PRIM2: variants seen among roughly 807,000 people sequenced by gnomAD.
PRIM2 encodes DNA primase large subunit.
PRIM2 carries 39 observed loss-of-function variants against 67.3 expected under a neutral mutation model. The ratio of observed to expected loss-of-function variants is 0.58; its 90% confidence interval spans 0.45 to 0.76. The LOEUF (loss-of-function observed/expected upper bound fraction) is 0.76, where lower values mean the gene tolerates loss of function less well. Ranked by LOEUF, PRIM2 falls within the 30% of genes least tolerant of loss-of-function variation. The pLI, the probability that PRIM2 is intolerant of heterozygous loss-of-function variation, is 0.00. For synonymous variants in PRIM2, 143 were observed against 198.7 expected, an observed-to-expected ratio of 0.72 and a Z score of 2.36; for missense variants, 398 against 598.7, an observed-to-expected ratio of 0.66 and a Z score of 3.50.
upstream of PRIM2, among the ~76,000 whole-genome samples, chr6:57,312,770 A>T (rs1167832566): frequency 6.6e-6 from 1 of 152,162 alleles, no homozygotes; most frequent in Non-Finnish European, 1.5e-5. Flanking sequence ...AATTCTTTGG[A>T]CCATCAAGAC....
intron 7 of PRIM2, among the ~76,000 whole-genome samples, chr6:57,453,394 A>G (rs918142486): frequency 4.6e-5 from 7 of 152,204 alleles, no homozygotes; most frequent in East Asian, 3.9e-4. Flanking sequence ...CCATTTTCAC[A>G]ATATTGATTC....
At chr6:57,642,059 G>C (rs1366341086) in intron 13 of PRIM2, among the ~76,000 whole-genome samples, 1 of 152,186 alleles carries the variant, frequency 6.6e-6, no homozygotes, top group Non-Finnish European at 1.5e-5. Context: ...CCATTAAAAA[G>C]GATGAGTTCA....
intron 7 of PRIM2, among the ~76,000 whole-genome samples, chr6:57,433,277 T>C (rs569304939): frequency 1.2e-4 from 18 of 152,242 alleles, no homozygotes; most frequent in African/African-American, 4.3e-4. Context: ...TTAGGGTACA[T>C]GTGCACAATG....
chr6:57,500,029 T>G (rs1774097106), intron 7 of PRIM2, among the ~76,000 whole-genome samples: 2 of 152,334 alleles, frequency 1.3e-5, no homozygotes, highest in South Asian at 4.1e-4. Flanking sequence ...ACAATTTTCC[T>G]TCATTTCCCA....
chr6:57,359,603 A>G (rs1169876661), intron 5 of PRIM2, among the ~76,000 whole-genome samples: 1 of 152,242 alleles, frequency 6.6e-6, no homozygotes, highest in African/African-American at 2.4e-5. Flanking sequence ...ATAGATAATT[A>G]GAACTGGTAG....
At chr6:57,402,060 C>T (rs77186818) in intron 7 of PRIM2, among the ~76,000 whole-genome samples, 7 of 151,906 alleles carry the variant, frequency 4.6e-5, no homozygotes, top group East Asian at 3.9e-4. Flanking sequence ...CCAGGCCTGG[C>T]GGACCTGCCC....
At chr6:57,395,095 T>C (rs1420250763) in intron 7 of PRIM2, among the ~76,000 whole-genome samples, 1 of 152,214 alleles carries the variant, frequency 6.6e-6, no homozygotes, top group Non-Finnish European at 1.5e-5. Context: ...AGCAGCTATG[T>C]TCATCAAGGA....
intron 10 of PRIM2, among the ~76,000 whole-genome samples, chr6:57,569,255 T>C (rs1775814599): frequency 6.6e-6 from 1 of 152,176 alleles, no homozygotes; most frequent in Non-Finnish European, 1.5e-5. Context: ...TGAGCACATA[T>C]AGGCACTCTG....
At chr6:57,365,040 T>C (rs1297575828) in intron 5 of PRIM2, among the ~76,000 whole-genome samples, 5 of 152,228 alleles carry the variant, frequency 3.3e-5, no homozygotes, top group South Asian at 4.2e-4. Context: ...CCCCTTAACA[T>C]ATTCTGAGCC....
chr6:57,625,522 T>A (rs1776933828), intron 12 of PRIM2, among the ~76,000 whole-genome samples: 2 of 152,264 alleles, frequency 1.3e-5, no homozygotes, highest in South Asian at 4.2e-4. Flanking sequence ...GGTAGGAGCC[T>A]TTGAATCATG....
intron 7 of PRIM2, among the ~76,000 whole-genome samples, chr6:57,456,942 A>T (rs1772810667): frequency 6.6e-6 from 1 of 151,914 alleles, no homozygotes; most frequent in Admixed American, 6.6e-5. Flanking sequence ...GCCTTTGATG[A>T]TGGTGACGTA....
intron 7 of PRIM2, chr6:57,497,707 T>C (rs1486752915): frequency 6.6e-6 from 1 of 152,208 alleles, no homozygotes; most frequent in Non-Finnish European, 1.5e-5. Context: ...AGTCAGCTGA[T>C]AGAGAAATTT....
At chr6:57,585,763 T>C (rs1776176586) in intron 10 of PRIM2, among the ~76,000 whole-genome samples, 1 of 152,182 alleles carries the variant, frequency 6.6e-6, no homozygotes, top group South Asian at 2.1e-4. Flanking sequence ...GAGAAGAGGA[T>C]TCCGAGGAGC....
At chr6:57,283,543 G>GA in the PRIM2 span, among the ~76,000 whole-genome samples, 1 of 152,136 alleles carries the variant, frequency 6.6e-6, no homozygotes, top group African/African-American at 2.4e-5. Flanking sequence ...TTAAGTTAGA[G>GA]TTTTTGGTTT....
At chr6:57,515,174 A>G (rs1774456814) in intron 8 of PRIM2, among the ~76,000 whole-genome samples, 3 of 151,902 alleles carry the variant, frequency 2.0e-5, no homozygotes, top group Non-Finnish European at 4.4e-5. Context: ...CATGACTCCA[A>G]TTTTAAGTAT....
At chr6:57,228,695 G>A in the PRIM2 span, among the ~76,000 whole-genome samples, 30 of 152,266 alleles carry the variant, frequency 2.0e-4, no homozygotes, top group East Asian at 9.6e-4. Flanking sequence ...CTCAGGCTTC[G>A]GAGCCAGAAT....
chr6:57,519,866 A>G (rs1291470195), intron 8 of PRIM2, among the ~76,000 whole-genome samples: 2 of 152,208 alleles, frequency 1.3e-5, no homozygotes, highest in Non-Finnish European at 2.9e-5. Context: ...GGGAACTAAT[A>G]AATGTCCATG....
intron 7 of PRIM2, among the ~76,000 whole-genome samples, chr6:57,403,217 G>T (rs1265669991): frequency 3.4e-4 from 52 of 150,830 alleles, no homozygotes; most frequent in African/African-American, 1.1e-3. Flanking sequence ...TGTATATTAG[G>T]TGTTTCTTTG....
At chr6:57,340,261 C>A (rs1276650260) in intron 5 of PRIM2, among the ~76,000 whole-genome samples, 1 of 152,200 alleles carries the variant, frequency 6.6e-6, no homozygotes, top group East Asian at 1.9e-4. Context: ...GTTGGTGGGA[C>A]TGTAAACTAG....
Sources: allele counts gnomAD v4.1 joint callset (sites outside exome capture counted in the v4.1 genomes callset), GRCh38; gene constraint gnomAD v4.1.1; transcripts MANE v1.5; gene names NCBI Gene and HGNC (gene_info 2026-07-23, HGNC 2026-07-21).